Variants in IL1RAPL1 observed in about 807,000 individuals in gnomAD.
The protein encoded by IL1RAPL1 is interleukin 1 receptor accessory protein like 1.
Under a neutral mutation model 48.4 loss-of-function variants are expected in IL1RAPL1, and 3 were observed. The ratio of observed to expected loss-of-function variants is 0.06; its 90% CI spans 0.03 to 0.16. The LOEUF is 0.16. IL1RAPL1 is among the 10% of genes least tolerant of loss of function. The probability of loss-of-function intolerance (pLI) is 1.00; values close to 1 mark genes in which losing one functional copy is unlikely to be tolerated. For synonymous variants in IL1RAPL1, 185 were observed against 187.7 expected (o/e 0.99, Z 0.12); for missense variants, 349 against 530.6 (o/e 0.66, Z 3.36).
intron 2 of IL1RAPL1, among the ~76,000 whole-genome samples, chrX:28,793,610 A>G (rs752209403): frequency 5.4e-5 from 6 of 111,442 alleles, no homozygotes; most frequent in African/African-American, 2.0e-4. Flanking sequence ...TTAAATATAT[A>G]CATTTTAAAA....
chrX:29,311,441 C>T (rs986660784), intron 3 of IL1RAPL1, among the ~76,000 whole-genome samples: 1 of 111,769 alleles, frequency 8.9e-6, no homozygotes, highest in Non-Finnish European at 1.9e-5. Flanking sequence ...GCTGCCAAAG[C>T]GAGCACAGGA....
intron 6 of IL1RAPL1, among the ~76,000 whole-genome samples, chrX:29,699,815 A>G (rs1927006013): frequency 8.9e-6 from 1 of 112,480 alleles, no homozygotes; most frequent in African/African-American, 3.2e-5. Context: ...GCCTAAAGAG[A>G]AAGGATGACT....
At chrX:29,546,338 A>G (rs1011439519) in intron 5 of IL1RAPL1, among the ~76,000 whole-genome samples, 7 of 111,438 alleles carry the variant, frequency 6.3e-5, no homozygotes, top group African/African-American at 2.0e-4. Context: ...CAAAAACTAT[A>G]CAGCCTGACT....
chrX:29,121,075 A>G (rs1416959540), intron 2 of IL1RAPL1, among the ~76,000 whole-genome samples: 1 of 111,878 alleles, frequency 8.9e-6, no homozygotes, highest in Non-Finnish European at 1.9e-5. Flanking sequence ...GTAGGGATAA[A>G]AGAAAACTTC....
At chrX:29,197,314 G>C (rs1434607176) in intron 2 of IL1RAPL1, among the ~76,000 whole-genome samples, 1 of 111,422 alleles carries the variant, frequency 9.0e-6, no homozygotes, top group African/African-American at 3.3e-5. Flanking sequence ...AACAATCCAT[G>C]ATTTTTAAAT....
chrX:28,698,022 T>A (rs1193213342), intron 1 of IL1RAPL1, among the ~76,000 whole-genome samples: 4 of 111,484 alleles, frequency 3.6e-5, no homozygotes, highest in African/African-American at 9.7e-5. Context: ...CTGTTCAATC[T>A]CTTCTACTAC....
intron 6 of IL1RAPL1, among the ~76,000 whole-genome samples, chrX:29,732,425 A>G (rs1927944254): frequency 9.0e-6 from 1 of 111,653 alleles, no homozygotes; most frequent in African/African-American, 3.3e-5. Flanking sequence ...GTCACGATCC[A>G]TTAGTGGCTC....
intron 1 of IL1RAPL1, among the ~76,000 whole-genome samples, chrX:28,612,272 A>G (rs1011118508): frequency 8.9e-6 from 1 of 112,142 alleles, no homozygotes; most frequent in African/African-American, 3.2e-5. Context: ...CTGCTTCACA[A>G]ACACCTGTAT....
intron 2 of IL1RAPL1, among the ~76,000 whole-genome samples, chrX:29,187,860 A>G (rs1256206087): frequency 3.6e-5 from 4 of 111,466 alleles, no homozygotes; most frequent in African/African-American, 1.3e-4. Flanking sequence ...TAATACATTC[A>G]AACTGACATT....
intron 8 of IL1RAPL1, among the ~76,000 whole-genome samples, chrX:29,939,924 G>C (rs965473646): frequency 9.7e-6 from 1 of 103,601 alleles, no homozygotes; most frequent in Non-Finnish European, 2.0e-5. Flanking sequence ...GTGTAGTGGC[G>C]CGATCTCAGC....
At chrX:29,737,514 C>T (rs1490717895) in intron 6 of IL1RAPL1, among the ~76,000 whole-genome samples, 1 of 111,467 alleles carries the variant, frequency 9.0e-6, no homozygotes, top group Non-Finnish European at 1.9e-5. Context: ...GTACTTTTAT[C>T]CTATAATAGG....
chrX:29,931,684 G>A (rs944838899), intron 8 of IL1RAPL1, among the ~76,000 whole-genome samples: 1 of 112,019 alleles, frequency 8.9e-6, no homozygotes, highest in African/African-American at 3.2e-5. Context: ...AGAAAACATG[G>A]CTTCTTCTAT....
chrX:28,833,041 C>T (rs1429898840), intron 2 of IL1RAPL1, among the ~76,000 whole-genome samples: 6 of 110,448 alleles, frequency 5.4e-5, no homozygotes, highest in Non-Finnish European at 9.5e-5. Flanking sequence ...TTAACTTCCA[C>T]TTATAAGCGA....
intron 3 of IL1RAPL1, among the ~76,000 whole-genome samples, chrX:29,308,278 T>A (rs1265948574): frequency 9.0e-6 from 1 of 111,637 alleles, no homozygotes; most frequent in Non-Finnish European, 1.9e-5. Flanking sequence ...TAGTCTTAGA[T>A]TCTACTGTCT....
chrX:29,391,126 A>T (rs1422084604), intron 3 of IL1RAPL1, among the ~76,000 whole-genome samples: 1 of 108,963 alleles, frequency 9.2e-6, no homozygotes, highest in East Asian at 2.9e-4. Context: ...GTGAGCTGAG[A>T]TTGCACCATT....
At chrX:29,101,891 C>T (rs930792883) in intron 2 of IL1RAPL1, among the ~76,000 whole-genome samples, 5 of 111,284 alleles carry the variant, frequency 4.5e-5, no homozygotes, top group Admixed American at 1.9e-4. Context: ...GAGCTGAGAT[C>T]GTGCCATTGC....
At chrX:29,217,358 C>A (rs764058080) in intron 2 of IL1RAPL1, among the ~76,000 whole-genome samples, 2 of 112,311 alleles carry the variant, frequency 1.8e-5, no homozygotes, top group South Asian at 7.3e-4. Context: ...TTGTTAAACA[C>A]CAAATATTTG....
chrX:29,154,960 A>G lies in IL1RAPL1; in HGVS notation c.83-127978A>G, dbSNP rs192283157. 2.8e-3 allele frequency among the ~76,000 whole-genome samples: 305 copies of G among 110,790 alleles called. 1 individual carries two copies. The highest frequency in any genetic ancestry group is 9.4e-3 in the African/African-American group (288 of 30,588). ...ATGATTAAGTAACTTTCCCACAATT[A>G]CTTAGCTGGCTAGAGTCTAACATGG... On this transcript the variant is annotated intron_variant, in intron 2 of 10. Coordinates refer to ENST00000378993, the MANE Select transcript of IL1RAPL1 (RefSeq NM_014271.4).
chrX:29,471,059 T>C (rs186795866), intron 5 of IL1RAPL1, among the ~76,000 whole-genome samples: 255 of 111,783 alleles, frequency 2.3e-3, no homozygotes, highest in African/African-American at 8.0e-3. Context: ...CACCAAAAAG[T>C]GACTGAAGCA....
Sources: allele counts gnomAD v4.1 joint callset (sites outside exome capture counted in the v4.1 genomes callset), GRCh38; gene constraint gnomAD v4.1.1; transcripts MANE v1.5; gene names NCBI Gene and HGNC (gene_info 2026-07-23, HGNC 2026-07-21).